The following BTLA variants were observed in gnomAD, a reference collection of about 807,000 sequenced individuals.
BTLA encodes B- and T-lymphocyte attenuator.
Under a neutral mutation model 25.0 loss-of-function variants are expected in BTLA, and 11 were observed. That is an observed-to-expected ratio of 0.44 (90% confidence interval 0.28 to 0.73). The LOEUF (loss-of-function observed/expected upper bound fraction) is 0.73, where lower values mean the gene tolerates loss of function less well. BTLA is among the 30% of genes least tolerant of loss of function. The probability of loss-of-function intolerance (pLI) is 0.15; values close to 1 mark genes in which losing one functional copy is unlikely to be tolerated. For synonymous variants in BTLA, 104 were observed against 119.8 expected (o/e 0.87, Z 0.86); for missense variants, 282 against 332.8 (o/e 0.85, Z 1.19).
chr3:112,494,347 GGCA>G (rs2082397409), intron 1 of BTLA, among the ~76,000 whole-genome samples: 1 of 152,094 alleles, frequency 6.6e-6, no homozygotes, highest in Non-Finnish European at 1.5e-5. Flanking sequence ...AAGACAGTAT[GGCA>G]ATTCCTCGAT....
upstream of BTLA, chr3:112,499,568 G>T (rs537829110): frequency 3.9e-6 from 2 of 516,786 alleles, no homozygotes; most frequent in South Asian, 6.4e-5. Context: ...AGACGATGTG[G>T]TACTCTGTTC....
chr3:112,477,894 AT>A (rs1429027750), intron 2 of BTLA, among the ~76,000 whole-genome samples: 2 of 151,988 alleles, frequency 1.3e-5, no homozygotes, highest in African/African-American at 4.8e-5. Flanking sequence ...TCCCCACTGA[AT>A]AATCTTGGTA....
rs913795517 is a variant in BTLA, at chr3:112,464,700, A to C, written c.*1408T>G. 1.3e-5 allele frequency: 2 copies of C among 152,060 alleles called. No homozygotes were observed. The highest frequency in any genetic ancestry group is 2.9e-5 in the Non-Finnish European group (2 of 68,036). The allele number at this position is 152,060 out of a possible 1,614,324, so 9.4% of individuals were successfully genotyped here. A position where few individuals can be genotyped will look rare whatever the true frequency, so the allele number is the denominator to read the frequency against. On this transcript the variant is annotated 3_prime_UTR_variant, in exon 5 of 5. Transcript: ENST00000334529. ...CACATATTATTTTCTTTAATGACCC[A>C]TTTACTCTAGTATTTTGAGCTTCAT... is the stretch of plus-strand genomic sequence containing the variant.
At chr3:112,493,514 G>C (rs2952323) in intron 1 of BTLA, among the ~76,000 whole-genome samples, 37,003 of 151,220 alleles carry the variant, frequency 0.24, 8,072 homozygotes, top group African/African-American at 0.58. Context: ...AGTTCTCTCT[G>C]TTTTTTTTTG....
chr3:112,467,441 T>A (rs1053923137), intron 4 of BTLA, among the ~76,000 whole-genome samples: 5 of 152,200 alleles, frequency 3.3e-5, no homozygotes, highest in Admixed American at 6.5e-5. Context: ...CTAGGGGCTA[T>A]TTCAGTTTTT....
rs1375458565 is a variant in BTLA, at chr3:112,487,525, C to T, written c.89-7756G>A. Among the ~76,000 whole-genome samples the T allele has an allele frequency of 4.0e-5, 6 of 151,510 alleles. No individual in the cohort carries two copies. In the East Asian group the frequency reaches 1.2e-3, roughly 29 times the overall value. ...GCTTGAACCCAGGAGGCGGAGGTTG[C>T]GGTGAGCTGAGATCGTGCCATTGCA... On this transcript the variant is annotated intron_variant, in intron 1 of 4. Coordinates refer to ENST00000334529, the MANE Select transcript of BTLA (RefSeq NM_181780.4).
At chr3:112,469,711 C>G in intron 4 of BTLA, 47 bp downstream of exon 4, 1 of 1,517,514 alleles carries the variant, frequency 6.6e-7, no homozygotes, top group Non-Finnish European at 9.1e-7. Context: ...TAAATAAACA[C>G]AGTATAACAC....
intron 3 of BTLA, 26 bp downstream of exon 3, chr3:112,471,185 TG>T (rs774026774): frequency 2.5e-6 from 4 of 1,611,488 alleles, no homozygotes; most frequent in Non-Finnish European, 3.4e-6. Flanking sequence ...TGTGTGGTAC[TG>T]GGGGCAGAGG....
intron 1 of BTLA, among the ~76,000 whole-genome samples, chr3:112,494,958 A>G (rs953812488): frequency 6.6e-6 from 1 of 152,228 alleles, no homozygotes; most frequent in Non-Finnish European, 1.5e-5. Flanking sequence ...CCAAATTTTT[A>G]TTTGTGGTTG....
At chr3:112,494,516 A>G (rs1264553834) in intron 1 of BTLA, among the ~76,000 whole-genome samples, 1 of 152,240 alleles carries the variant, frequency 6.6e-6, no homozygotes, top group African/African-American at 2.4e-5. Flanking sequence ...AATGCCCATC[A>G]ATGATAGACT....
At chr3:112,467,211 C>A (rs112531226) in intron 4 of BTLA, among the ~76,000 whole-genome samples, 1 of 152,102 alleles carries the variant, frequency 6.6e-6, no homozygotes, top group Non-Finnish European at 1.5e-5. Context: ...CCGCCCGCCT[C>A]GGCCTCCCAA....
chr3:112,480,803 T>C (rs1291819979), intron 1 of BTLA, among the ~76,000 whole-genome samples: 3 of 152,138 alleles, frequency 2.0e-5, no homozygotes, highest in Admixed American at 6.5e-5. Context: ...CTGCCCCTGG[T>C]CCCCCAAAAC....
intron 1 of BTLA, among the ~76,000 whole-genome samples, chr3:112,483,813 C>T (rs999102635): frequency 6.6e-6 from 1 of 151,826 alleles, no homozygotes; most frequent in African/African-American, 2.4e-5. Context: ...ACTAAAAATA[C>T]AAAAATTAGC....
At chr3:112,480,268 A>G (rs1325891140) in intron 1 of BTLA, among the ~76,000 whole-genome samples, 1 of 152,052 alleles carries the variant, frequency 6.6e-6, no homozygotes, top group African/African-American at 2.4e-5. Context: ...TGCCTATCCC[A>G]AAACCTATAA....
In BTLA at chr3:112,464,377, T is replaced by A. The variant is rs1231936659; in HGVS notation, c.*1731A>T. ...TCTGATAAGAGGACAGCTAAATGTATCCTCCCCATATTTCCTGTTTCTATT... is the reference window on the plus strand; with the variant it reads ...TCTGATAAGAGGACAGCTAAATGTAACCTCCCCATATTTCCTGTTTCTATT... On this transcript the variant is annotated 3_prime_UTR_variant, in exon 5 of 5. Transcript: ENST00000334529. The A allele has an allele frequency of 2.6e-6, 1 of 377,774 alleles. No homozygotes were observed. Among genetic ancestry groups the A allele is most frequent in the Non-Finnish European group, 4.7e-6 (1 of 212,350 alleles). 23.4% of individuals were successfully genotyped at this position (377,774 alleles called of 1,614,324 possible).
intron 1 of BTLA, among the ~76,000 whole-genome samples, chr3:112,498,975 G>T (rs1194592077): frequency 6.6e-6 from 1 of 152,168 alleles, no homozygotes; most frequent in African/African-American, 2.4e-5. Context: ...AGTAGTGATA[G>T]ATTTGTACTT....
chr3:112,471,407 G>T, intron 2 of BTLA, 52 bp from the exon 3 acceptor site: 1 of 1,575,766 alleles, frequency 6.3e-7, no homozygotes, highest in Non-Finnish European at 8.7e-7. Flanking sequence ...GATATATTGG[G>T]ATCAGCGGCA....
chr3:112,466,289 G>T lies in BTLA; in HGVS notation c.689C>A (p.Pro230His). The stretch of plus-strand genomic sequence containing the variant: ...TTCCTGCATCCTGAAACAAAGGTCA[G>T]GGTCATTATCATAAATTCCAGTTTC... ...LSETGIYDND[P>H]DLCFRMQEGS... Residue 230 changes from proline (P) to histidine (H), a missense_variant, in exon 5 of 5, where the codon CCT becomes CAT. Physicochemically the swap from Pro to His is moderately conservative, Grantham distance 77. Coordinates refer to ENST00000334529, the MANE Select transcript of BTLA (RefSeq NM_181780.4). 1.2e-6 allele frequency: 2 copies of T among 1,613,964 alleles called. No individual in the cohort carries two copies. Among genetic ancestry groups the T allele is most frequent in the Non-Finnish European group, 1.7e-6 (2 of 1,179,964 alleles).
intron 1 of BTLA, among the ~76,000 whole-genome samples, chr3:112,495,467 A>G (rs1037907588): frequency 3.3e-5 from 5 of 152,224 alleles, no homozygotes; most frequent in Non-Finnish European, 7.3e-5. Context: ...AAACTTTGGT[A>G]GTAGGACAGA....
Sources: allele counts gnomAD v4.1 joint callset (sites outside exome capture counted in the v4.1 genomes callset), GRCh38; gene constraint gnomAD v4.1.1; transcripts MANE v1.5; gene names NCBI Gene and HGNC (gene_info 2026-07-23, HGNC 2026-07-21).